FRMD5: variants seen among roughly 807,000 people sequenced by gnomAD.
FRMD5 encodes FERM domain containing 5, also known as FERM domain-containing protein 5.
In FRMD5, 20 loss-of-function variants were observed where a neutral mutation model predicts 69.0. The ratio of observed to expected loss-of-function variants is 0.29; its 90% CI spans 0.20 to 0.42. The LOEUF (loss-of-function observed/expected upper bound fraction) is 0.42, where lower values mean the gene tolerates loss of function less well. FRMD5 is among the 10% of genes least tolerant of loss of function. The pLI is 1.00. For missense variants in FRMD5, 595 were observed against 708.6 expected (o/e 0.84, Z 1.82); for synonymous variants, 271 against 260.1 (o/e 1.04, Z -0.40).
intron 4 of FRMD5, chr15:43,917,716 C>T (rs926389073): frequency 6.6e-6 from 1 of 152,218 alleles, no homozygotes; most frequent in Non-Finnish European, 1.5e-5. Context: ...TCTACCCTTA[C>T]TCACCTACCT....
intron 1 of FRMD5, among the ~76,000 whole-genome samples, chr15:44,083,785 C>A (rs1026877163): frequency 1.3e-5 from 2 of 152,014 alleles, no homozygotes; most frequent in African/African-American, 4.8e-5. Context: ...GACATAAAGA[C>A]ATACACAGTT....
At chr15:43,991,695 G>A (rs772947910) in intron 1 of FRMD5, among the ~76,000 whole-genome samples, 6 of 152,014 alleles carry the variant, frequency 3.9e-5, no homozygotes, top group South Asian at 2.1e-4. Context: ...CCACAATCTC[G>A]TCTCTATTAA....
At chr15:44,144,061 C>A (rs979837151) in intron 1 of FRMD5, among the ~76,000 whole-genome samples, 1 of 151,940 alleles carries the variant, frequency 6.6e-6, no homozygotes, top group African/African-American at 2.4e-5. Context: ...ACTATGAAGT[C>A]CCTGAGAACT....
intron 1 of FRMD5, among the ~76,000 whole-genome samples, chr15:44,022,237 A>G (rs996349964): frequency 1.3e-5 from 2 of 152,086 alleles, no homozygotes; most frequent in African/African-American, 4.8e-5. Context: ...CTAAAACTAT[A>G]AAGTTTATGT....
At chr15:43,963,506 T>C (rs2090239853) in intron 1 of FRMD5, among the ~76,000 whole-genome samples, 1 of 152,220 alleles carries the variant, frequency 6.6e-6, no homozygotes, top group African/African-American at 2.4e-5. Context: ...TGGCAATTCC[T>C]CAGGGATCTA....
chr15:43,985,142 G>A (rs575366191), intron 1 of FRMD5, among the ~76,000 whole-genome samples: 63 of 151,702 alleles, frequency 4.2e-4, no homozygotes, highest in African/African-American at 1.4e-3. Context: ...TTAGCCTGGT[G>A]TGGTGGCAGG....
chr15:44,129,589 T>C (rs1032661410), intron 1 of FRMD5, among the ~76,000 whole-genome samples: 6 of 152,120 alleles, frequency 3.9e-5, no homozygotes, highest in African/African-American at 1.2e-4. Context: ...TCCCCAGATA[T>C]TAGAACTCAG....
chr15:44,011,051 G>C (rs541484463), intron 1 of FRMD5, among the ~76,000 whole-genome samples: 4 of 152,090 alleles, frequency 2.6e-5, no homozygotes, highest in Admixed American at 1.3e-4. Context: ...ATTTAGAAGA[G>C]ACAGAACATT....
At chr15:44,131,573 TG>T (rs1340029669) in intron 1 of FRMD5, among the ~76,000 whole-genome samples, 5 of 152,146 alleles carry the variant, frequency 3.3e-5, no homozygotes, top group Admixed American at 2.0e-4. Context: ...ATATGCAAAG[TG>T]TGGGATATAC....
At chr15:44,148,337 T>C (rs988265473) in intron 1 of FRMD5, among the ~76,000 whole-genome samples, 2 of 152,094 alleles carry the variant, frequency 1.3e-5, no homozygotes, top group East Asian at 1.9e-4. Context: ...AGGGGCGCAA[T>C]CTAGGCTCAC....
upstream of FRMD5, among the ~76,000 whole-genome samples, chr15:44,195,446 G>A: frequency 6.6e-6 from 1 of 152,232 alleles, no homozygotes; most frequent in Non-Finnish European, 1.5e-5. Flanking sequence ...GTCGGACCTA[G>A]TCAAGCCGGA....
chr15:44,126,400 T>C (rs1314970580), intron 1 of FRMD5, among the ~76,000 whole-genome samples: 1 of 152,250 alleles, frequency 6.6e-6, no homozygotes, highest in Non-Finnish European at 1.5e-5. Context: ...ATGCATGAAC[T>C]AATACAATAA....
Position 43,874,163 on chromosome 15 carries a change from G to A in FRMD5, c.1435C>T (p.Leu479=). ...ATEVEALGGE[L]RALCQGHSGP... Reference sequence around the variant, plus strand: ...CTGTGCCCCTGACACAGGGCCCTCAGCTCTCCCCCAAGGGCCTCCACCTCT... The same window carrying A: ...CTGTGCCCCTGACACAGGGCCCTCAACTCTCCCCCAAGGGCCTCCACCTCT... Residue 479 remains leucine (L), a synonymous_variant, in exon 14 of 14, where the codon CTG becomes TTG. Transcript: ENST00000417257. 2 of 1,614,232 alleles carry A rather than the reference G, an allele frequency of 1.2e-6. No individual in the cohort carries two copies. Among genetic ancestry groups the A allele is most frequent in the Non-Finnish European group, 1.7e-6 (2 of 1,180,040 alleles).
chr15:44,024,503 T>C (rs1461365732), intron 1 of FRMD5, among the ~76,000 whole-genome samples: 1 of 152,230 alleles, frequency 6.6e-6, no homozygotes, highest in East Asian at 1.9e-4. Context: ...AGGTTTGAAA[T>C]GGTATCTCAT....
At chr15:44,149,526 C>T (rs751497158) in intron 1 of FRMD5, among the ~76,000 whole-genome samples, 8 of 152,022 alleles carry the variant, frequency 5.3e-5, no homozygotes, top group Admixed American at 2.0e-4. Flanking sequence ...CTATAGAAGA[C>T]TCACTTTAGA....
chr15:43,970,557 C>T (rs1161917551), intron 1 of FRMD5, among the ~76,000 whole-genome samples: 2 of 152,180 alleles, frequency 1.3e-5, no homozygotes, highest in Non-Finnish European at 2.9e-5. Context: ...GCAACCTCCA[C>T]CTCCTGCCTC....
intron 1 of FRMD5, among the ~76,000 whole-genome samples, chr15:44,111,853 C>CTTT (rs139569623): frequency 6.9e-6 from 1 of 145,126 alleles, no homozygotes; most frequent in African/African-American, 2.5e-5. Context: ...CTCTCTTTTC[C>CTTT]TTTTTTTTTT....
intron 1 of FRMD5, among the ~76,000 whole-genome samples, chr15:44,055,749 G>A (rs1332176258): frequency 6.6e-6 from 1 of 152,080 alleles, no homozygotes; most frequent in African/African-American, 2.4e-5. Flanking sequence ...TTCAAATCTT[G>A]GCCTCTGATC....
intron 1 of FRMD5, among the ~76,000 whole-genome samples, chr15:44,186,945 C>G (rs931239483): frequency 4.6e-5 from 7 of 152,286 alleles, no homozygotes; most frequent in Admixed American, 4.6e-4. Context: ...TTCAGAGACG[C>G]AATCCTCGGT....
Sources: gnomAD v4.1 joint callset for allele counts (sites outside exome capture counted in the v4.1 genomes callset) on GRCh38, gnomAD v4.1.1 for gene constraint, MANE v1.5 for transcripts, NCBI Gene and HGNC (gene_info 2026-07-23, HGNC 2026-07-21) for gene names.